Variants in RYR3 observed in about 807,000 individuals in gnomAD.
RYR3 encodes brain ryanodine receptor-calcium release channel.
Under a neutral mutation model 584.3 loss-of-function variants are expected in RYR3, and 207 were observed. That is an observed-to-expected ratio of 0.35 (90% CI 0.32 to 0.40). RYR3 has a LOEUF of 0.40. Among genes scored for constraint, RYR3 ranks in the 10% least tolerant of loss-of-function variants. RYR3 has a pLI of 1.00. For missense variants in RYR3, 5,616 were observed against 6,089.2 expected, an observed-to-expected ratio of 0.92 and a Z score of 2.59; for synonymous variants, 2,416 against 2,248.5, an observed-to-expected ratio of 1.07 and a Z score of -2.11.
intron 1 of RYR3, among the ~76,000 whole-genome samples, chr15:33,398,473 T>A (rs1161751010): frequency 6.6e-6 from 1 of 152,202 alleles, no homozygotes; most frequent in African/African-American, 2.4e-5. Context: ...ATGGGTTAAA[T>A]GATTAGGTCA....
chr15:33,782,621 G>A (rs1019662721), intron 65 of RYR3, among the ~76,000 whole-genome samples: 1 of 152,194 alleles, frequency 6.6e-6, no homozygotes, highest in African/African-American at 2.4e-5. Flanking sequence ...TCATTACAAA[G>A]TGGGTGGCCT....
chr15:33,858,143 G>T, intron 99 of RYR3: 1 of 562,000 alleles, frequency 1.8e-6, no homozygotes, highest in Non-Finnish European at 3.1e-6. Flanking sequence ...TAAGCCCCGT[G>T]GAAAGGGAAG....
intron 12 of RYR3, among the ~76,000 whole-genome samples, chr15:33,568,111 A>G (rs2057817063): frequency 6.6e-6 from 1 of 152,134 alleles, no homozygotes. Context: ...TCTGTAGAGG[A>G]AAAAAGTAGA....
intron 1 of RYR3, among the ~76,000 whole-genome samples, chr15:33,391,543 G>C (rs915793043): frequency 6.6e-6 from 1 of 151,464 alleles, no homozygotes; most frequent in Non-Finnish European, 1.5e-5. Context: ...GGAGAATGAC[G>C]TGAACCTGGG....
intron 16 of RYR3, among the ~76,000 whole-genome samples, chr15:33,600,354 C>T (rs1483803246): frequency 6.6e-6 from 1 of 152,082 alleles, no homozygotes; most frequent in Non-Finnish European, 1.5e-5. Context: ...TCTCTGTTGG[C>T]GCAACCTGCC....
chr15:33,658,099 G>A (rs570821844), intron 32 of RYR3, among the ~76,000 whole-genome samples: 85 of 152,330 alleles, frequency 5.6e-4, no homozygotes, highest in African/African-American at 1.9e-3. Flanking sequence ...ATTAGCCCAT[G>A]ATTTCTATGG....
At chr15:33,590,419 T>G (rs1311311612) in intron 16 of RYR3, among the ~76,000 whole-genome samples, 1 of 152,206 alleles carries the variant, frequency 6.6e-6, no homozygotes, top group Non-Finnish European at 1.5e-5. Context: ...ATTTTAGGAT[T>G]GTTTTTTCTA....
chr15:33,708,092 G>A (rs987441610), intron 43 of RYR3, among the ~76,000 whole-genome samples: 125 of 152,106 alleles, frequency 8.2e-4, no homozygotes, highest in Non-Finnish European at 1.0e-3. Flanking sequence ...CATCCTTCTT[G>A]TTTATCACCA....
rs553818333 is a variant in RYR3 at position 33,575,673 on chromosome 15, A to C, written c.1269-4303A>C. 5.3e-5 allele frequency among the ~76,000 whole-genome samples: 8 copies of C among 152,244 alleles called. No individual in the cohort carries two copies. In the South Asian group the frequency reaches 1.7e-3, roughly 32 times the overall value. On this transcript the variant is annotated intron_variant, in intron 12 of 103. Transcript: ENST00000634891. ...CACCTCAAAAAGCTAGAAAGATCTC[A>C]AATTGACATCCTAACATCACAACTA...
rs757720597 is a variant in RYR3, at chr15:33,838,792, A to G, written c.12812A>G (p.Glu4271Gly). 6.2e-7 allele frequency: 1 copy of G among 1,613,908 alleles called. No individual in the cohort carries two copies. The change falls in exon 89 of 104, where the codon GAG becomes GGG. Residue 4271 changes from glutamate (E) to glycine (G), a missense_variant. By Grantham distance (98) the Glu-to-Gly change is moderately conservative. Transcript: ENST00000634891. ...TTELVHFIKG[E>G]KGDTDIMSDL... ...GAACTAGTACACTTCATAAAGGGGG[A>G]GAAGGGAGATACAGATATCATGTCA...
At chr15:33,544,384 T>G (rs2056072436) in intron 8 of RYR3, among the ~76,000 whole-genome samples, 1 of 152,166 alleles carries the variant, frequency 6.6e-6, no homozygotes, top group Non-Finnish European at 1.5e-5. Flanking sequence ...TAGATTGAAT[T>G]TGGGACAGCA....
chr15:33,381,948 G>T (rs1472181927), intron 1 of RYR3, among the ~76,000 whole-genome samples: 1 of 152,112 alleles, frequency 6.6e-6, no homozygotes, highest in African/African-American at 2.4e-5. Context: ...GGCAGTGGTA[G>T]GTATAACAGT....
intron 1 of RYR3, among the ~76,000 whole-genome samples, chr15:33,356,187 T>C (rs529700369): frequency 6.6e-6 from 1 of 152,326 alleles, no homozygotes; most frequent in Admixed American, 6.5e-5. Context: ...GTTAGTCTTA[T>C]GTCTGACTCT....
rs1414871579 is a variant in RYR3, at chr15:33,827,232, ACAC to A, written c.11287_11289del (p.Thr3763del). On this transcript the variant is annotated inframe_deletion, in exon 85 of 104. Coordinates refer to ENST00000634891, the MANE Select transcript of RYR3 (RefSeq NM_001036.6). ...AACTTCCTGCGGACTCAGATGGGCA[ACAC>A]CACCACCGTGAATGTCATCATCAGC... 6.4e-7 allele frequency: 1 copy of A among 1,552,366 alleles called. No homozygotes were observed. The highest frequency in any genetic ancestry group is 8.7e-7 in the Non-Finnish European group (1 of 1,147,444).
intron 7 of RYR3, among the ~76,000 whole-genome samples, chr15:33,542,009 A>G (rs2055861785): frequency 6.6e-6 from 1 of 152,254 alleles, no homozygotes; most frequent in South Asian, 2.1e-4. Context: ...CCTGGTCCCA[A>G]CAGAGGGCTT....
chr15:33,742,170 C>T (rs530116298), intron 51 of RYR3, among the ~76,000 whole-genome samples, 196 bp from the exon 52 acceptor site: 3 of 152,266 alleles, frequency 2.0e-5, no homozygotes, highest in Admixed American at 6.5e-5. Flanking sequence ...GACTTGGGTG[C>T]GTCCGTGACC....
chr15:33,864,056 C>G, intron 102 of RYR3, 82 bp from the exon 103 acceptor site: 1 of 1,048,116 alleles, frequency 9.5e-7, no homozygotes, highest in Non-Finnish European at 1.4e-6. Flanking sequence ...ACTAGCCTTT[C>G]TGAGCCCTGA....
In RYR3 at chr15:33,839,018, T is replaced by C. The variant is rs1341456208; in HGVS notation, c.12978+60T>C. Reference sequence around the variant, plus strand: ...CCCCAGAATAAGACTTGCCACCATATCTTGTAATCAGTACTGACACCATTT... The same window carrying C: ...CCCCAGAATAAGACTTGCCACCATACCTTGTAATCAGTACTGACACCATTT... On this transcript the variant is annotated intron_variant, in intron 89 of 103. Transcript: ENST00000634891. 17 of 1,551,052 alleles carry C rather than the reference T, an allele frequency of 1.1e-5. No individual in the cohort carries two copies. In the Admixed American group the frequency reaches 2.3e-4, roughly 21 times the overall value.
rs572425525 is a variant in RYR3, at chr15:33,343,072, A to G, written c.51+31976A>G. Among the ~76,000 whole-genome samples, 3 of 152,312 alleles carry G rather than the reference A, an allele frequency of 2.0e-5. No individual in the cohort carries two copies. In the South Asian group the frequency reaches 6.2e-4, roughly 32 times the overall value. On this transcript the variant is annotated intron_variant, in intron 1 of 103. Coordinates refer to ENST00000634891, the MANE Select transcript of RYR3 (RefSeq NM_001036.6). Reference sequence around the variant, plus strand: ...TGGAAATGAGAAAGTGGAATTAGGGAGTACCATTTTCATACCTTCTTACCT... The same window carrying G: ...TGGAAATGAGAAAGTGGAATTAGGGGGTACCATTTTCATACCTTCTTACCT...
Sources: gnomAD v4.1 joint callset for allele counts (sites outside exome capture counted in the v4.1 genomes callset) on GRCh38, gnomAD v4.1.1 for gene constraint, MANE v1.5 for transcripts, NCBI Gene and HGNC (gene_info 2026-07-23, HGNC 2026-07-21) for gene names.